SHCBP1: variants seen among roughly 807,000 people sequenced by gnomAD.
SHCBP1 encodes the protein SHC SH2 domain-binding protein 1.
In SHCBP1, 60 loss-of-function variants were observed where a neutral mutation model predicts 75.1. That is an observed-to-expected ratio of 0.80 (90% CI 0.65 to 0.99). The LOEUF is 0.99. Ranked by LOEUF, SHCBP1 falls within the 50% of genes least tolerant of loss-of-function variation. The pLI is 0.00. For synonymous variants in SHCBP1, 290 were observed against 293.2 expected (o/e 0.99, Z 0.11); for missense variants, 709 against 809.4 (o/e 0.88, Z 1.50).
chr16:46,583,559 TGTAGGTTTCACCAA>T lies in SHCBP1; in HGVS notation c.1636_1649del (p.Leu546AsnfsTer4). On this transcript the variant is annotated frameshift_variant, in exon 12 of 13. Coordinates refer to ENST00000303383, the MANE Select transcript of SHCBP1 (RefSeq NM_024745.5). LOFTEE classifies it high-confidence loss of function. ...CATTTTCTTGCAGGTCAGAGAAGAT[TGTAGGTTTCACCAA>T]GACAACACCATAACCTTCATTATTA... 1 of 1,610,610 alleles carries T rather than the reference TGTAGGTTTCACCAA, an allele frequency of 6.2e-7. No individual in the cohort carries two copies. Among genetic ancestry groups the T allele is most frequent in the Non-Finnish European group, 8.5e-7 (1 of 1,179,290 alleles).
Position 46,603,731 on chromosome 16 carries a change from C to T in SHCBP1, c.1093-72G>A, listed in dbSNP as rs1036894570. On this transcript the variant is annotated intron_variant, in intron 7 of 12. Transcript: ENST00000303383. The stretch of plus-strand genomic sequence containing the variant: ...GTAATTTGAGTATTACTCTAGGTGA[C>T]TTCATGTCTTACTTTGAAAATGGAA... The T allele has an allele frequency of 5.7e-6, 9 of 1,575,542 alleles. No individual in the cohort carries two copies. The African/African-American group carries it at 9.5e-5, about 17-fold the overall frequency.
intron 10 of SHCBP1, among the ~76,000 whole-genome samples, chr16:46,585,072 G>A (rs1163909820): frequency 6.6e-6 from 1 of 152,164 alleles, no homozygotes; most frequent in Non-Finnish European, 1.5e-5. Context: ...TTGGGGTTAT[G>A]TGCAAAAAAA....
At chr16:46,612,358 C>G (rs1432860698) in intron 4 of SHCBP1, among the ~76,000 whole-genome samples, 1 of 152,184 alleles carries the variant, frequency 6.6e-6, no homozygotes, top group Non-Finnish European at 1.5e-5. Context: ...TTATATATAA[C>G]TCTTTCAAGA....
In SHCBP1 at chr16:46,580,234, A is replaced by G. The variant is rs1452167090; in HGVS notation, c.*1495T>C. 6.6e-6 allele frequency among the ~76,000 whole-genome samples: 1 copy of G among 152,158 alleles called. No homozygotes were observed. Among genetic ancestry groups the G allele is most frequent in the African/African-American group, 2.4e-5 (1 of 41,448 alleles). On this transcript the variant is annotated 3_prime_UTR_variant, in exon 13 of 13. Transcript: ENST00000303383. Reference sequence around the variant, plus strand: ...AAAAGAATAAAAGGTTTTAATATCAACATTTGGCTGAAACTGATGCAGAAA... The same window carrying G: ...AAAAGAATAAAAGGTTTTAATATCAGCATTTGGCTGAAACTGATGCAGAAA...
intron 8 of SHCBP1, among the ~76,000 whole-genome samples, chr16:46,600,177 G>A (rs550179310): frequency 4.6e-5 from 7 of 152,216 alleles, no homozygotes; most frequent in African/African-American, 1.4e-4. Context: ...GACTAGTCCC[G>A]TATCAGGAAG....
intron 5 of SHCBP1, among the ~76,000 whole-genome samples, chr16:46,606,401 A>G (rs1965327219): frequency 6.6e-6 from 1 of 152,162 alleles, no homozygotes; most frequent in Non-Finnish European, 1.5e-5. Context: ...TCTCTCCATC[A>G]AGTACCACCG....
chr16:46,605,596 A>G (rs896886604), intron 5 of SHCBP1, among the ~76,000 whole-genome samples: 3 of 152,220 alleles, frequency 2.0e-5, no homozygotes, highest in African/African-American at 7.2e-5. Flanking sequence ...CCCTGTCTCA[A>G]AAAACAAACA....
Position 46,595,654 on chromosome 16 carries a change from C to T in SHCBP1, c.1362G>A (p.Lys454=). ...GCAGCACACAGTTTTCCAGCGTAGT[C>T]TTACCACGGTGAACAACTGGGATGA... ...VEGILIVHRG[K]TTLENCVLQC... is the part of the protein sequence containing the mutation. The change falls in exon 10 of 13, where the codon AAG becomes AAA. Residue 454 remains lysine (K), a synonymous_variant. Coordinates refer to ENST00000303383, the MANE Select transcript of SHCBP1 (RefSeq NM_024745.5). 6.2e-7 allele frequency: 1 copy of T among 1,613,834 alleles called. No individual in the cohort carries two copies. Among genetic ancestry groups the T allele is most frequent in the East Asian group, 2.2e-5 (1 of 44,884 alleles).
intron 12 of SHCBP1, among the ~76,000 whole-genome samples, chr16:46,582,695 G>T (rs758352530): frequency 2.6e-5 from 4 of 152,186 alleles, no homozygotes; most frequent in African/African-American, 7.2e-5. Flanking sequence ...ATATGAATGC[G>T]TTTGGAGACA....
At chr16:46,603,894 A>G in intron 7 of SHCBP1, 81 bp downstream of exon 7, 1 of 1,516,274 alleles carries the variant, frequency 6.6e-7, no homozygotes. Context: ...AAGCTCCTGT[A>G]AATACTTTGT....
rs199576557 is a variant in SHCBP1 at position 46,604,004 on chromosome 16, C to G, written c.1063G>C (p.Glu355Gln). 192 of 1,612,524 alleles carry G rather than the reference C, an allele frequency of 1.2e-4. No individual in the cohort carries two copies. Among genetic ancestry groups the G allele is most frequent in the Middle Eastern group, 1.2e-3 (7 of 6,054 alleles). ...RSLLTDRLCQ[E>Q]PGEEEREIQF... ...ATTTCTCTTTCTTCCTCACCAGGCT[C>G]CTGGCAAAGCCTGTCCGTAAGCAGG... Residue 355 changes from glutamate to glutamine, a missense_variant, in exon 7 of 13, where the codon GAG (glutamate) becomes CAG (glutamine). Glu to Gln is a conservative substitution (Grantham distance 29). Transcript: ENST00000303383.
chr16:46,604,577 G>A, intron 5 of SHCBP1, 116 bp from the exon 6 acceptor site: 1 of 677,490 alleles, frequency 1.5e-6, no homozygotes, highest in Admixed American at 2.5e-5. Context: ...TATAACTCAG[G>A]TGCATGTTAA....
intron 5 of SHCBP1, among the ~76,000 whole-genome samples, chr16:46,605,558 G>A (rs971292676): frequency 2.0e-5 from 3 of 151,934 alleles, no homozygotes; most frequent in Non-Finnish European, 4.4e-5. Flanking sequence ...ACTGTACTCC[G>A]TACTCCAGCC....
chr16:46,583,596 T>C lies in SHCBP1; in HGVS notation c.1613A>G (p.Asn538Ser), dbSNP rs1280738468. ...KISMVNNIIHNNEGYGVVLVK... is the reference protein window; with the variant it reads ...KISMVNNIIHSNEGYGVVLVK... ...CAAGACAACACCATAACCTTCATTA[T>C]TATGTATTATATTATTCACCATGGA... is the stretch of plus-strand genomic sequence containing the variant. Residue 538 changes from asparagine to serine, a missense_variant, in exon 12 of 13, where the codon AAT becomes AGT. By Grantham distance (46) the Asn-to-Ser change is conservative. Coordinates refer to ENST00000303383, the MANE Select transcript of SHCBP1 (RefSeq NM_024745.5). 6.2e-7 allele frequency: 1 copy of C among 1,611,084 alleles called. No homozygotes were observed. Among genetic ancestry groups the C allele is most frequent in the South Asian group, 1.1e-5 (1 of 90,016 alleles).
At chr16:46,606,817 T>G (rs1965332663) in intron 5 of SHCBP1, among the ~76,000 whole-genome samples, 1 of 152,042 alleles carries the variant, frequency 6.6e-6, no homozygotes, top group African/African-American at 2.4e-5. Flanking sequence ...TAATCAGACT[T>G]TCAAACTTTT....
Position 46,604,273 on chromosome 16 carries a change from T to A in SHCBP1, c.878A>T (p.Glu293Val). The change falls in exon 6 of 13, where the codon GAA becomes GTA. Residue 293 changes from glutamate (E) to valine (V), a missense_variant. Coordinates refer to ENST00000303383, the MANE Select transcript of SHCBP1 (RefSeq NM_024745.5). ...GAGTTTCAGCTTTTGTTTCAACTGT[T>A]CCATCTCCGAATACAATTTTAACCC... is the stretch of plus-strand genomic sequence containing the variant. ...VEGLKLYSEM[E>V]QLKQKLKLIE... 6.2e-7 allele frequency: 1 copy of A among 1,614,240 alleles called. No homozygotes were observed. The highest frequency in any genetic ancestry group is 8.5e-7 in the Non-Finnish European group (1 of 1,180,042).
rs569073479 is a variant in SHCBP1 at position 46,588,791 on chromosome 16, A to T, written c.1465-4702T>A. ...CTTCTGAAACTATTCCAATCAATAG[A>T]AAAAGAGGGAATCCTCCCTAACTCA... On this transcript the variant is annotated intron_variant, in intron 10 of 12. Transcript: ENST00000303383. Among the ~76,000 whole-genome samples, 16 of 152,340 alleles carry T rather than the reference A, an allele frequency of 1.1e-4. No homozygotes were observed. In the East Asian group the frequency reaches 2.9e-3, roughly 28 times the overall value.
chr16:46,609,799 A>G (rs2069554230), intron 4 of SHCBP1, among the ~76,000 whole-genome samples: 1 of 152,108 alleles, frequency 6.6e-6, no homozygotes, highest in Admixed American at 6.5e-5. Context: ...CAAATTTATT[A>G]TGGAAAATCC....
At chr16:46,601,798 T>C (rs541415005) in intron 8 of SHCBP1, among the ~76,000 whole-genome samples, 1 of 152,354 alleles carries the variant, frequency 6.6e-6, no homozygotes, top group Admixed American at 6.5e-5. Flanking sequence ...ACACAAATTT[T>C]TATATAATTA....
Sources: allele counts gnomAD v4.1 joint callset (sites outside exome capture counted in the v4.1 genomes callset), GRCh38; gene constraint gnomAD v4.1.1; transcripts MANE v1.5; gene names NCBI Gene and HGNC (gene_info 2026-07-23, HGNC 2026-07-21).